The following POT1 variants were observed in gnomAD, a reference collection of about 807,000 sequenced individuals.
The protein encoded by POT1 is protection of telomeres 1.
POT1 carries 47 observed loss-of-function variants against 78.5 expected under a neutral mutation model. That is an observed-to-expected ratio of 0.60 (90% CI 0.47 to 0.76). POT1 has a LOEUF of 0.76. POT1 is among the 30% of genes least tolerant of loss of function. The pLI, the probability that POT1 is intolerant of heterozygous loss-of-function variation, is 0.00. For synonymous variants in POT1, 259 were observed against 260.7 expected (o/e 0.99, Z 0.06); for missense variants, 646 against 749.9 (o/e 0.86, Z 1.62).
intron 5 of POT1, among the ~76,000 whole-genome samples, chr7:124,895,835 G>A (rs771736417): frequency 2.9e-4 from 44 of 151,490 alleles, no homozygotes; most frequent in Non-Finnish European, 4.7e-4. Flanking sequence ...GGAGTGTACT[G>A]GTCAAAGGTA....
intron 16 of POT1, chr7:124,828,835 G>T (rs1794692477): frequency 2.0e-6 from 1 of 507,278 alleles, no homozygotes; most frequent in Admixed American, 2.0e-5. Context: ...ACAAAACCAA[G>T]TGTACAAATA....
At chr7:124,828,733 A>G (rs1794689818) in intron 16 of POT1, among the ~76,000 whole-genome samples, 1 of 152,226 alleles carries the variant, frequency 6.6e-6, no homozygotes, top group African/African-American at 2.4e-5. Context: ...TAGAATGAGA[A>G]GACCAAGTTC....
At chr7:124,897,248 G>A in intron 4 of POT1, 36 bp from the exon 5 acceptor site, 3 of 956,324 alleles carry the variant, frequency 3.1e-6, no homozygotes, top group Non-Finnish European at 4.7e-6. Context: ...TTTGTATACA[G>A]ATAACCTCCA....
chr7:124,841,005 G>T lies in POT1; in HGVS notation c.1337C>A (p.Pro446Gln), dbSNP rs761176134. ...CAAAAGTAGACATTCATTTGAAAGC[G>T]GGAGAATACCATTATTTTTCACAAA... Reference protein sequence around the residue: ...VHFVKNNGILPLSNECLLLIE... With the variant: ...VHFVKNNGILQLSNECLLLIE... The change falls in exon 14 of 19, where the codon CCG (proline) becomes CAG (glutamine). Residue 446 changes from proline (P) to glutamine (Q), a missense_variant. This residue lies in a region of POT1 where 394 missense variants were observed against 408.4 expected (regional missense o/e 0.96). Coordinates refer to ENST00000357628, the MANE Select transcript of POT1 (RefSeq NM_015450.3). 2 of 1,610,100 alleles carry T rather than the reference G, an allele frequency of 1.2e-6. No homozygotes were observed. The highest frequency in any genetic ancestry group is 2.2e-5 in the East Asian group (1 of 44,730).
chr7:124,922,722 CA>C (rs747518112), intron 2 of POT1, among the ~76,000 whole-genome samples: 24 of 151,590 alleles, frequency 1.6e-4, no homozygotes, highest in Middle Eastern at 6.8e-3. Context: ...GGAAGGAGAA[CA>C]AAAAACAGGC....
intron 8 of POT1, among the ~76,000 whole-genome samples, chr7:124,861,609 A>G (rs570276990): frequency 3.3e-5 from 5 of 151,782 alleles, no homozygotes; most frequent in Non-Finnish European, 5.9e-5. Context: ...AACTTTGTCA[A>G]TTTTGGCTTT....
At chr7:124,854,082 A>T (rs1224268756) in intron 9 of POT1, among the ~76,000 whole-genome samples, 1 of 152,076 alleles carries the variant, frequency 6.6e-6, no homozygotes, top group South Asian at 2.1e-4. Flanking sequence ...CATCTTACAT[A>T]ACAAAAAAAC....
At chr7:124,826,634 G>T (rs556515168) in intron 17 of POT1, among the ~76,000 whole-genome samples, 2 of 152,180 alleles carry the variant, frequency 1.3e-5, no homozygotes, top group East Asian at 3.9e-4. Context: ...CACTTTGGGA[G>T]GCCAAGGGTG....
intron 6 of POT1, among the ~76,000 whole-genome samples, chr7:124,877,923 C>T (rs898572093): frequency 1.4e-5 from 2 of 147,588 alleles, no homozygotes; most frequent in African/African-American, 2.5e-5. Context: ...TTTCAAGTGA[C>T]GGAGCTTCCT....
intron 17 of POT1, among the ~76,000 whole-genome samples, chr7:124,826,515 A>G (rs1794633509): frequency 6.6e-6 from 1 of 152,180 alleles, no homozygotes; most frequent in Non-Finnish European, 1.5e-5. Flanking sequence ...ACTTTATACA[A>G]TAATATCTAT....
In POT1 at chr7:124,898,380, T is replaced by C. The variant is rs1335231979; in HGVS notation, c.-153-6A>G. 1.3e-5 allele frequency: 2 copies of C among 150,684 alleles called. No homozygotes were observed. Among genetic ancestry groups the C allele is most frequent in the Non-Finnish European group, 3.0e-5 (2 of 67,718 alleles). The allele number at this position is 150,684 out of a possible 1,614,324, so 9.3% of individuals were successfully genotyped here. ...CTAGCCACTGCAATGGTGTCCTACA[T>C]AGAAAAAAAAAAGTTTTTGAATCAA... On this transcript the variant is annotated splice_polypyrimidine_tract_variant and splice_region_variant and intron_variant, in intron 3 of 18. Coordinates refer to ENST00000357628, the MANE Select transcript of POT1 (RefSeq NM_015450.3).
chr7:124,840,058 G>C (rs1245655504), intron 14 of POT1, among the ~76,000 whole-genome samples: 4 of 150,944 alleles, frequency 2.6e-5, no homozygotes, highest in Non-Finnish European at 4.4e-5. Context: ...AAGGTACAGA[G>C]ATTTTCCGTA....
At chr7:124,861,127 T>C (rs1235542236) in intron 8 of POT1, among the ~76,000 whole-genome samples, 1 of 152,198 alleles carries the variant, frequency 6.6e-6, no homozygotes, top group African/African-American at 2.4e-5. Flanking sequence ...TACCCAGTAA[T>C]GGGATTGCAG....
At position 124,841,163 on chromosome 7, in the gene POT1, A is replaced by G; in HGVS notation, c.1179T>C (p.His393=). 6.2e-7 allele frequency: 1 copy of G among 1,611,524 alleles called. No homozygotes were observed. The highest frequency in any genetic ancestry group is 8.5e-7 in the Non-Finnish European group (1 of 1,178,788). The part of the protein sequence containing the change: ...PKCHLLQEVP[H]EGDLDIIFQD... ...GAAAAATTATATCCAAATCGCCCTC[A>G]TGTGGAACTTCTTGCCTAAAATTAT... Residue 393 remains histidine, a synonymous_variant, in exon 14 of 19, where the codon CAT becomes CAC. Transcript: ENST00000357628.
At chr7:124,876,874 T>A (rs1467183258) in intron 6 of POT1, among the ~76,000 whole-genome samples, 1 of 152,200 alleles carries the variant, frequency 6.6e-6, no homozygotes, top group Non-Finnish European at 1.5e-5. Context: ...TTAAATTCTG[T>A]ACCCCAGGCA....
chr7:124,866,419 C>T (rs1480962494), intron 7 of POT1, among the ~76,000 whole-genome samples: 2 of 152,212 alleles, frequency 1.3e-5, no homozygotes, highest in African/African-American at 2.4e-5. Context: ...TACTAGACCT[C>T]CAGTATCCAT....
At chr7:124,827,156 T>C in intron 17 of POT1, 58 bp downstream of exon 17, 1 of 1,022,184 alleles carries the variant, frequency 9.8e-7, no homozygotes. Context: ...ATAAATGTAT[T>C]CAATTTTTTA....
intron 3 of POT1, among the ~76,000 whole-genome samples, chr7:124,910,790 A>G (rs1487684541): frequency 1.3e-5 from 2 of 152,036 alleles, no homozygotes; most frequent in African/African-American, 4.8e-5. Context: ...CCTTTAAGTT[A>G]TGAATTCCCA....
chr7:124,909,653 T>C (rs1162056928), intron 3 of POT1, among the ~76,000 whole-genome samples: 1 of 151,924 alleles, frequency 6.6e-6, no homozygotes, highest in African/African-American at 2.4e-5. Context: ...ACCTCTGTTA[T>C]CTGACAGGTA....
Sources: allele counts gnomAD v4.1 joint callset (sites outside exome capture counted in the v4.1 genomes callset), GRCh38; gene constraint gnomAD v4.1.1; regional missense constraint gnomAD v4.1.1; transcripts MANE v1.5; gene names NCBI Gene and HGNC (gene_info 2026-07-23, HGNC 2026-07-21).